The following ST6GALNAC3 variants were observed in gnomAD, a reference collection of about 807,000 sequenced individuals.
ST6GALNAC3 encodes the protein alpha-N-acetylgalactosaminide alpha-2,6-sialyltransferase 3.
A neutral mutation model predicts 32.7 loss-of-function variants in ST6GALNAC3; 25 were observed. That is an observed-to-expected ratio of 0.76 (90% confidence interval 0.56 to 1.07). The LOEUF (loss-of-function observed/expected upper bound fraction) is 1.07, where lower values mean the gene tolerates loss of function less well. ST6GALNAC3 is among the 50% of genes least tolerant of loss of function. The pLI, the probability that ST6GALNAC3 is intolerant of heterozygous loss-of-function variation, is 0.00. For missense variants in ST6GALNAC3, 355 were observed against 382.4 expected (o/e 0.93, Z 0.60); for synonymous variants, 129 against 133.1 (o/e 0.97, Z 0.21).
At chr1:76,115,121 G>A (rs1648371390) in intron 1 of ST6GALNAC3, among the ~76,000 whole-genome samples, 1 of 151,958 alleles carries the variant, frequency 6.6e-6, no homozygotes, top group Non-Finnish European at 1.5e-5. Context: ...CTTCAGAATT[G>A]GATTTTGTTT....
intron 1 of ST6GALNAC3, among the ~76,000 whole-genome samples, chr1:76,139,682 T>G (rs779510508): frequency 6.6e-6 from 1 of 152,236 alleles, no homozygotes; most frequent in Non-Finnish European, 1.5e-5. Flanking sequence ...AGTGCCAGGT[T>G]TCTGGGCTCA....
chr1:76,511,005 C>A (rs1661821360), intron 3 of ST6GALNAC3, among the ~76,000 whole-genome samples: 1 of 152,122 alleles, frequency 6.6e-6, no homozygotes, highest in Non-Finnish European at 1.5e-5. Flanking sequence ...TGTATTAACT[C>A]ATTTAATCCT....
chr1:76,479,031 G>A (rs1659551176), intron 3 of ST6GALNAC3, among the ~76,000 whole-genome samples: 1 of 151,942 alleles, frequency 6.6e-6, no homozygotes, highest in Non-Finnish European at 1.5e-5. Flanking sequence ...CCAAAGTGCT[G>A]GGATTACAGG....
intron 3 of ST6GALNAC3, among the ~76,000 whole-genome samples, chr1:76,445,569 A>C (rs1183910602): frequency 6.6e-6 from 1 of 152,236 alleles, no homozygotes; most frequent in Non-Finnish European, 1.5e-5. Context: ...AGAACGAAAC[A>C]ATATGTACTA....
At chr1:76,498,288 A>G (rs1222277924) in intron 3 of ST6GALNAC3, among the ~76,000 whole-genome samples, 2 of 152,276 alleles carry the variant, frequency 1.3e-5, no homozygotes, top group East Asian at 3.9e-4. Flanking sequence ...CTGATGCTCT[A>G]TTTTCATCAC....
intron 3 of ST6GALNAC3, among the ~76,000 whole-genome samples, chr1:76,571,217 A>G (rs1403212185): frequency 6.6e-5 from 10 of 152,096 alleles, no homozygotes; most frequent in African/African-American, 2.4e-4. Flanking sequence ...AATTACAAAG[A>G]TATCTTCTGA....
intron 3 of ST6GALNAC3, among the ~76,000 whole-genome samples, chr1:76,430,182 A>G (rs1459308124): frequency 6.6e-6 from 1 of 152,174 alleles, no homozygotes; most frequent in Non-Finnish European, 1.5e-5. Flanking sequence ...TCATTGTCTC[A>G]GGTCTAGACT....
intron 1 of ST6GALNAC3, among the ~76,000 whole-genome samples, chr1:76,281,114 G>A (rs1224683072): frequency 6.6e-6 from 1 of 152,188 alleles, no homozygotes; most frequent in Non-Finnish European, 1.5e-5. Context: ...AAGCCTCATG[G>A]ATAGTAAGTA....
intron 4 of ST6GALNAC3, among the ~76,000 whole-genome samples, chr1:76,627,953 G>A (rs887968700): frequency 1.3e-5 from 2 of 151,940 alleles, no homozygotes; most frequent in African/African-American, 4.8e-5. Context: ...AGGACAAAAT[G>A]TCCTGCAGCC....
chr1:76,629,373 C>G lies in ST6GALNAC3; in HGVS notation c.*567C>G, dbSNP rs1016360886. The G allele has an allele frequency of 4.3e-5, 42 of 985,252 alleles. No individual in the cohort carries two copies. In the African/African-American group the frequency reaches 7.0e-4, roughly 16 times the overall value. 61.0% of individuals were successfully genotyped at this position (985,252 alleles called of 1,614,324 possible). Reference sequence around the variant, plus strand: ...ACAGTATTTCCTACAGCTAAAGCCTCAGGCCATTGCCTAATTAACAATGAA... The same window carrying G: ...ACAGTATTTCCTACAGCTAAAGCCTGAGGCCATTGCCTAATTAACAATGAA... On this transcript the variant is annotated 3_prime_UTR_variant, in exon 5 of 5. Transcript: ENST00000328299.
chr1:76,115,788 T>C (rs1309235307), intron 1 of ST6GALNAC3, among the ~76,000 whole-genome samples: 2 of 152,222 alleles, frequency 1.3e-5, no homozygotes, highest in Non-Finnish European at 2.9e-5. Context: ...TGAATCAGAA[T>C]ATGAGGTGTG....
intron 1 of ST6GALNAC3, among the ~76,000 whole-genome samples, chr1:76,196,771 C>CT (rs1227179294): frequency 6.6e-6 from 1 of 152,040 alleles, no homozygotes; most frequent in African/African-American, 2.4e-5. Flanking sequence ...CCTCTCAATA[C>CT]TTTTTTTAAA....
chr1:76,192,016 G>T (rs567780847), intron 1 of ST6GALNAC3, among the ~76,000 whole-genome samples: 85 of 152,244 alleles, frequency 5.6e-4, no homozygotes, highest in Middle Eastern at 3.4e-3. Context: ...ACAGGTGGGG[G>T]TAAGGGGGCC....
chr1:76,604,312 C>G (rs1335213815), intron 3 of ST6GALNAC3, among the ~76,000 whole-genome samples: 1 of 152,138 alleles, frequency 6.6e-6, no homozygotes. Context: ...ATACTATACC[C>G]CCTCTTAGAA....
chr1:76,250,861 CTT>C (rs1300414728), intron 1 of ST6GALNAC3, among the ~76,000 whole-genome samples: 1 of 152,164 alleles, frequency 6.6e-6, no homozygotes, highest in African/African-American at 2.4e-5. Flanking sequence ...CACTCCTTGA[CTT>C]AGCATATTCT....
At chr1:76,479,013 T>A (rs1198938122) in intron 3 of ST6GALNAC3, among the ~76,000 whole-genome samples, 2 of 152,106 alleles carry the variant, frequency 1.3e-5, no homozygotes, top group Non-Finnish European at 2.9e-5. Flanking sequence ...TCTGCCCACC[T>A]TGGCCTCCCA....
intron 3 of ST6GALNAC3, among the ~76,000 whole-genome samples, chr1:76,450,140 AG>A (rs1190161587): frequency 4.6e-5 from 7 of 152,160 alleles, no homozygotes; most frequent in Admixed American, 6.5e-5. Context: ...TAGTTCTTTA[AG>A]GGATCTTCAT....
intron 3 of ST6GALNAC3, among the ~76,000 whole-genome samples, chr1:76,525,480 T>C (rs1662806019): frequency 6.6e-6 from 1 of 151,896 alleles, no homozygotes; most frequent in African/African-American, 2.4e-5. Context: ...CCTCTGCTCC[T>C]TTCTTCCCTA....
chr1:76,548,189 G>C (rs544113658), intron 3 of ST6GALNAC3, among the ~76,000 whole-genome samples: 6 of 152,096 alleles, frequency 3.9e-5, no homozygotes, highest in Non-Finnish European at 8.8e-5. Flanking sequence ...CCCCATTCTT[G>C]CTTTCTTCCT....
Sources: gnomAD v4.1 joint callset for allele counts (sites outside exome capture counted in the v4.1 genomes callset) on GRCh38, gnomAD v4.1.1 for gene constraint, MANE v1.5 for transcripts, NCBI Gene and HGNC (gene_info 2026-07-23, HGNC 2026-07-21) for gene names.